Variants in ANKRD31 observed in about 807,000 individuals in gnomAD.
ANKRD31 encodes ankyrin repeat domain-containing protein 31.
ANKRD31 carries 147 observed loss-of-function variants against 186.0 expected under a neutral mutation model. That is an observed-to-expected ratio of 0.79 (90% CI 0.69 to 0.91). The LOEUF is 0.91. Ranked by LOEUF, ANKRD31 falls within the 40% of genes least tolerant of loss-of-function variation. The pLI is 0.00. For missense variants in ANKRD31, 1,986 were observed against 2,148.8 expected (o/e 0.92, Z 1.50); for synonymous variants, 673 against 736.4 (o/e 0.91, Z 1.39).
chr5:75,230,578 T>G lies in ANKRD31; in HGVS notation c.162A>C (p.Thr54=). 6.5e-7 allele frequency: 1 copy of G among 1,536,692 alleles called. No individual in the cohort carries two copies. Among genetic ancestry groups the G allele is most frequent in the Non-Finnish European group, 8.7e-7 (1 of 1,146,530 alleles). Residue 54 remains threonine (T), a synonymous_variant, in exon 2 of 26, where the codon ACA becomes ACC. Transcript: ENST00000506364. The stretch of plus-strand genomic sequence containing the variant: ...CATTCTCACCTTTGCACATTCCTCT[T>G]GTATCAGGATGCAGACTGAACTCAG... The part of the protein sequence containing the change: ...LKSEFSLHPD[T]RGMCKGMPSP...
chr5:75,073,698 A>G (rs1744414225), intron 25 of ANKRD31, among the ~76,000 whole-genome samples: 1 of 152,222 alleles, frequency 6.6e-6, no homozygotes, highest in African/African-American at 2.4e-5. Context: ...CAAATGAGAA[A>G]ATACCACATA....
intron 17 of ANKRD31, among the ~76,000 whole-genome samples, chr5:75,122,785 C>T (rs1748906442): frequency 6.6e-6 from 1 of 152,046 alleles, no homozygotes; most frequent in Admixed American, 6.6e-5. Flanking sequence ...AAACATACCT[C>T]AAAATAATAA....
intron 11 of ANKRD31, among the ~76,000 whole-genome samples, chr5:75,164,892 A>G (rs1752815296): frequency 1.3e-5 from 2 of 152,222 alleles, no homozygotes; most frequent in Admixed American, 6.5e-5. Context: ...TATAGATTTA[A>G]TCGTATCTAC....
chr5:75,137,572 CA>C (rs1479788299), intron 17 of ANKRD31, among the ~76,000 whole-genome samples: 2 of 152,040 alleles, frequency 1.3e-5, no homozygotes, highest in Non-Finnish European at 2.9e-5. Flanking sequence ...TTATCTTAGA[CA>C]ATTAAAAATA....
At chr5:75,118,426 T>C in intron 17 of ANKRD31, 129 bp from the exon 18 acceptor site, 3 of 933,324 alleles carry the variant, frequency 3.2e-6, no homozygotes, top group Non-Finnish European at 4.5e-6. Flanking sequence ...GTCAAGAAAA[T>C]TTTTTATTAA....
At chr5:75,184,553 A>AAT (rs1754565353) in intron 10 of ANKRD31, among the ~76,000 whole-genome samples, 2 of 151,996 alleles carry the variant, frequency 1.3e-5, no homozygotes, top group Admixed American at 1.3e-4. Context: ...AATAGCCAAA[A>AAT]AATAATAATA....
chr5:75,216,547 G>T (rs988673515), intron 3 of ANKRD31, among the ~76,000 whole-genome samples: 2 of 152,052 alleles, frequency 1.3e-5, no homozygotes, highest in African/African-American at 2.4e-5. Context: ...ATTTTTAAAT[G>T]AGTTATTAGA....
intron 1 of ANKRD31, among the ~76,000 whole-genome samples, chr5:75,233,107 G>A (rs1434795009): frequency 1.3e-5 from 2 of 150,636 alleles, no homozygotes; most frequent in Non-Finnish European, 3.0e-5. Flanking sequence ...GTGTTGTCCA[G>A]GCTGGAGTGC....
In ANKRD31 at chr5:75,147,334, T is replaced by C; in HGVS notation, c.2077A>G (p.Lys693Glu). The change falls in exon 14 of 26, where the codon AAA (lysine) becomes GAA (glutamate). Residue 693 changes from lysine (K) to glutamate (E), a missense_variant. By Grantham distance (56) the Lys-to-Glu change is moderately conservative (BLOSUM62 1). Coordinates refer to ENST00000506364, the MANE Select transcript of ANKRD31 (RefSeq NM_001372053.1). The stretch of plus-strand genomic sequence containing the variant: ...AGAGTTGATTGTTTATGCTTGGATT[T>C]ACCAAATTTTGTGTTTTTGGGATCT... ...QKDPKNTKFG[K>E]SKHKQSTLDQ... The C allele has an allele frequency of 2.6e-6, 4 of 1,533,334 alleles. No homozygotes were observed. Among genetic ancestry groups the C allele is most frequent in the Non-Finnish European group, 3.5e-6 (4 of 1,145,464 alleles). The allele number at this position is 1,533,334 out of a possible 1,614,324, so 95.0% of individuals were successfully genotyped here. A position where few individuals can be genotyped will look rare whatever the true frequency, so the allele number is the denominator to read the frequency against.
chr5:75,156,061 C>T (rs968663862), intron 11 of ANKRD31, among the ~76,000 whole-genome samples: 8 of 151,988 alleles, frequency 5.3e-5, no homozygotes, highest in Non-Finnish European at 1.0e-4. Flanking sequence ...TGCATCACCA[C>T]GCCTGGCTAA....
At chr5:75,236,006 G>A (rs909807067) in intron 1 of ANKRD31, among the ~76,000 whole-genome samples, 2 of 152,162 alleles carry the variant, frequency 1.3e-5, no homozygotes, top group Non-Finnish European at 2.9e-5. Flanking sequence ...ACACAGCCCT[G>A]AGCACATATG....
chr5:75,211,146 C>CT (rs1381823238), intron 3 of ANKRD31, among the ~76,000 whole-genome samples: 1 of 152,188 alleles, frequency 6.6e-6, no homozygotes, highest in East Asian at 1.9e-4. Flanking sequence ...TCATTAAACA[C>CT]TAACTCCCCA....
At chr5:75,114,061 G>C (rs1030415807) in intron 19 of ANKRD31, among the ~76,000 whole-genome samples, 3 of 152,152 alleles carry the variant, frequency 2.0e-5, no homozygotes, top group African/African-American at 7.2e-5. Context: ...TTTGTGTCTA[G>C]TTAAGCTTTG....
chr5:75,224,796 AC>A (rs1170005947), intron 2 of ANKRD31, among the ~76,000 whole-genome samples: 3 of 152,178 alleles, frequency 2.0e-5, no homozygotes, highest in African/African-American at 7.2e-5. Context: ...CTTTTACTAC[AC>A]AAAAACTTAA....
chr5:75,187,109 T>TC (rs1401756991), intron 10 of ANKRD31, among the ~76,000 whole-genome samples: 1 of 124,834 alleles, frequency 8.0e-6, no homozygotes, highest in African/African-American at 3.3e-5. Context: ...GTGATTCTGT[T>TC]TTGTGTGTGT....
At chr5:75,076,778 C>T (rs535956603) in intron 25 of ANKRD31, among the ~76,000 whole-genome samples, 28 of 152,204 alleles carry the variant, frequency 1.8e-4, no homozygotes, top group African/African-American at 6.0e-4. Flanking sequence ...ACAAAAGATG[C>T]CTATATCACT....
At chr5:75,225,379 G>A (rs1046878427) in intron 2 of ANKRD31, 3 of 154,798 alleles carry the variant, frequency 1.9e-5, no homozygotes, top group African/African-American at 2.4e-5. Flanking sequence ...GAGAGACTCC[G>A]ATGACCGCAG....
chr5:75,137,038 A>G (rs1408739971), intron 17 of ANKRD31, among the ~76,000 whole-genome samples: 2 of 152,164 alleles, frequency 1.3e-5, no homozygotes, highest in Non-Finnish European at 2.9e-5. Context: ...GGGGAGGGAT[A>G]GCATTAGGAG....
At chr5:75,134,701 T>G (rs1750405583) in intron 17 of ANKRD31, among the ~76,000 whole-genome samples, 1 of 150,974 alleles carries the variant, frequency 6.6e-6, no homozygotes, top group South Asian at 2.1e-4. Context: ...GCCTGTTGTG[T>G]CTCTACACAA....
Sources: allele counts gnomAD v4.1 joint callset (sites outside exome capture counted in the v4.1 genomes callset), GRCh38; gene constraint gnomAD v4.1.1; transcripts MANE v1.5; gene names NCBI Gene and HGNC (gene_info 2026-07-23, HGNC 2026-07-21).